SRGAP3: variants seen among roughly 807,000 people sequenced by gnomAD.
SRGAP3 encodes SLIT-ROBO Rho GTPase activating protein 3, also known as SLIT-ROBO Rho GTPase-activating protein 3.
Under a neutral mutation model 121.1 loss-of-function variants are expected in SRGAP3, and 39 were observed. That is an observed-to-expected ratio of 0.32 (90% confidence interval 0.25 to 0.42). The LOEUF is 0.42. SRGAP3 is among the 10% of genes least tolerant of loss of function. The pLI is 1.00. For synonymous variants in SRGAP3, 601 were observed against 570.0 expected (o/e 1.05, Z -0.77); for missense variants, 1,213 against 1,470.6 (o/e 0.82, Z 2.86).
intron 1 of SRGAP3, among the ~76,000 whole-genome samples, chr3:9,210,162 G>A (rs1279716879): frequency 6.6e-6 from 1 of 152,222 alleles, no homozygotes; most frequent in African/African-American, 2.4e-5. Context: ...AGAACACGGA[G>A]TGACTGCAAA....
intron 18 of SRGAP3, 121 bp from the exon 19 acceptor site, chr3:8,994,644 G>T: frequency 7.7e-7 from 1 of 1,306,086 alleles, no homozygotes; most frequent in Non-Finnish European, 1.1e-6. Flanking sequence ...TGAGAACATG[G>T]ACAGAACGCC....
At chr3:9,042,439 A>G (rs1300207911) in intron 10 of SRGAP3, among the ~76,000 whole-genome samples, 1 of 52,284 alleles carries the variant, frequency 1.9e-5, no homozygotes, top group African/African-American at 1.3e-4. Flanking sequence ...TTATTTACAG[A>G]AAAAAAAAAA....
chr3:8,981,620 A>G lies in SRGAP3; in HGVS notation c.*3899T>C, dbSNP rs1214697242. On this transcript the variant is annotated 3_prime_UTR_variant, in exon 22 of 22. Transcript: ENST00000383836. ...GAAATATACCCAACAAGGCACTCCA[A>G]GGGACTCCAACAGAGAAGAAAGCCC... The G allele has an allele frequency of 1.7e-5, 4 of 232,550 alleles. No homozygotes were observed. The highest frequency in any genetic ancestry group is 5.6e-5 in the Admixed American group (1 of 17,758). 14.4% of individuals were successfully genotyped at this position (232,550 alleles called of 1,614,324 possible).
At chr3:9,009,438 C>A (rs1351760911) in intron 18 of SRGAP3, among the ~76,000 whole-genome samples, 2 of 150,538 alleles carry the variant, frequency 1.3e-5, no homozygotes, top group African/African-American at 4.9e-5. Flanking sequence ...TTCCTCCATT[C>A]AAAAAAAAAG....
intron 17 of SRGAP3, 112 bp downstream of exon 17, chr3:9,013,196 T>A: frequency 9.5e-7 from 1 of 1,051,626 alleles, no homozygotes; most frequent in Non-Finnish European, 1.4e-6. Flanking sequence ...AGAAAATGTA[T>A]ATGGAAGCAC....
At position 8,994,387 on chromosome 3, in the gene SRGAP3, G is replaced by A. The variant is rs779124652; in HGVS notation, c.2364C>T (p.Gly788=). ...ACTGATGGGGGATGAGTCCATCCACGCCGTTGTGCCGGCCCTCCCACCAGT... is the reference window on the plus strand; with the variant it reads ...ACTGATGGGGGATGAGTCCATCCACACCGTTGTGCCGGCCCTCCCACCAGT... The part of the protein sequence containing the change: ...SEDWWEGRHN[G]VDGLIPHQYI... Residue 788 remains glycine (G), a synonymous_variant, in exon 19 of 22, where the codon GGC becomes GGT. Transcript: ENST00000383836. The A allele has an allele frequency of 1.2e-5, 19 of 1,614,068 alleles. No homozygotes were observed. Among genetic ancestry groups the A allele is most frequent in the Non-Finnish European group, 1.3e-5 (15 of 1,180,052 alleles).
chr3:8,981,624 A>T lies in SRGAP3; in HGVS notation c.*3895T>A, dbSNP rs188265364. The T allele has an allele frequency of 4.3e-6, 1 of 232,572 alleles. No individual in the cohort carries two copies. Among genetic ancestry groups the T allele is most frequent in the African/African-American group, 2.2e-5 (1 of 45,336 alleles). The allele number at this position is 232,572 out of a possible 1,614,324, so 14.4% of individuals were successfully genotyped here. Reference sequence around the variant, plus strand: ...TATACCCAACAAGGCACTCCAAGGGACTCCAACAGAGAAGAAAGCCCCACA... The same window carrying T: ...TATACCCAACAAGGCACTCCAAGGGTCTCCAACAGAGAAGAAAGCCCCACA... On this transcript the variant is annotated 3_prime_UTR_variant, in exon 22 of 22. Coordinates refer to ENST00000383836, the MANE Select transcript of SRGAP3 (RefSeq NM_014850.4).
intron 1 of SRGAP3, among the ~76,000 whole-genome samples, chr3:9,207,713 G>T (rs947896170): frequency 3.0e-4 from 45 of 152,182 alleles, no homozygotes; most frequent in African/African-American, 1.0e-3. Context: ...GTTGTGGTGA[G>T]GTAGCCGGGC....
chr3:8,985,308 G>C lies in SRGAP3; in HGVS notation c.*211C>G. ...CTGGAGCTCCAGCACTCCTCTGGTC[G>C]TCTGTTGACACGCGAGAGGTCCGTG... On this transcript the variant is annotated 3_prime_UTR_variant, in exon 22 of 22. Coordinates refer to ENST00000383836, the MANE Select transcript of SRGAP3 (RefSeq NM_014850.4). The surrounding 1 kb of genome is among the most constrained non-coding windows in gnomAD (Gnocchi z 5.1). 1 of 1,099,566 alleles carries C rather than the reference G, an allele frequency of 9.1e-7. No individual in the cohort carries two copies. Among genetic ancestry groups the C allele is most frequent in the Non-Finnish European group, 1.2e-6 (1 of 807,988 alleles). 68.1% of individuals were successfully genotyped at this position (1,099,566 alleles called of 1,614,324 possible). A position where few individuals can be genotyped will look rare whatever the true frequency, so the allele number is the denominator to read the frequency against.
At chr3:9,349,541 C>T in intron 1 of SRGAP3, 1 of 184,786 alleles carries the variant, frequency 5.4e-6, no homozygotes, top group Admixed American at 5.4e-5. Context: ...ACCAATGAAG[C>T]AAGACAGCCT....
intron 1 of SRGAP3, among the ~76,000 whole-genome samples, chr3:9,157,763 T>A (rs1254731742): frequency 2.0e-5 from 3 of 152,214 alleles, no homozygotes; most frequent in African/African-American, 7.2e-5. Flanking sequence ...GGCTAAACAG[T>A]TGAGGACAAC....
intron 3 of SRGAP3, among the ~76,000 whole-genome samples, chr3:9,307,637 T>G (rs1955179900): frequency 6.6e-6 from 1 of 152,152 alleles, no homozygotes; most frequent in South Asian, 2.1e-4. Context: ...AAAATGTATG[T>G]CCATGATGAA....
upstream of SRGAP3, among the ~76,000 whole-genome samples, chr3:9,254,141 C>T (rs527828625): frequency 2.6e-5 from 4 of 152,264 alleles, no homozygotes; most frequent in African/African-American, 9.6e-5. Flanking sequence ...AACAAATACT[C>T]ATACATGAAT....
chr3:9,125,463 A>T (rs1390818086), intron 1 of SRGAP3, among the ~76,000 whole-genome samples: 2 of 152,240 alleles, frequency 1.3e-5, no homozygotes, highest in African/African-American at 2.4e-5. Flanking sequence ...ATGTGTAGTC[A>T]GGACTGAGAG....
intron 14 of SRGAP3, among the ~76,000 whole-genome samples, chr3:9,020,270 TTTCC>T (rs1359504056): frequency 4.6e-5 from 7 of 152,158 alleles, no homozygotes. Context: ...ATTTACCTAC[TTTCC>T]TTCCTTCCTT....
At chr3:9,234,221 C>T (rs932665139) in intron 1 of SRGAP3, among the ~76,000 whole-genome samples, 14 of 152,112 alleles carry the variant, frequency 9.2e-5, no homozygotes, top group African/African-American at 3.4e-4. Context: ...AACTATAAGA[C>T]GTCAGAAGCC....
intron 2 of SRGAP3, among the ~76,000 whole-genome samples, chr3:9,116,330 C>A (rs764119839): frequency 2.5e-4 from 38 of 152,314 alleles, no homozygotes; most frequent in Middle Eastern, 3.4e-3. Flanking sequence ...TTAAAGAAAG[C>A]ATTTGGTAGT....
intron 4 of SRGAP3, among the ~76,000 whole-genome samples, chr3:9,074,123 G>C (rs151269065): frequency 0.012 from 1,896 of 152,280 alleles, 22 homozygotes; most frequent in Non-Finnish European, 0.02. Flanking sequence ...AGCAGGCCCG[G>C]AGAATGGGAA....
intron 1 of SRGAP3, among the ~76,000 whole-genome samples, chr3:9,245,643 G>A (rs908156166): frequency 6.6e-6 from 1 of 152,164 alleles, no homozygotes; most frequent in Non-Finnish European, 1.5e-5. Flanking sequence ...GCTTACAAGG[G>A]TCAGGCACGG....
Sources: gnomAD v4.1 joint callset for allele counts (sites outside exome capture counted in the v4.1 genomes callset) on GRCh38, gnomAD v4.1.1 for gene constraint, Gnocchi (gnomAD v3.1) non-coding constraint, MANE v1.5 for transcripts, NCBI Gene and HGNC (gene_info 2026-07-23, HGNC 2026-07-21) for gene names.